The following BRD10 variants were observed in gnomAD, a reference collection of about 807,000 sequenced individuals.
BRD10 encodes bromodomain containing 10, also known as uncharacterized bromodomain-containing protein 10.
chr9:5,901,369 A>T, the BRD10 span, among the ~76,000 whole-genome samples: 2 of 152,222 alleles, frequency 1.3e-5, no homozygotes, highest in Non-Finnish European at 2.9e-5. Context: ...TTCTTCAGCA[A>T]ACTTGAGTAA....
At chr9:5,924,734 A>G in the BRD10 span, 4 of 1,607,026 alleles carry the variant, frequency 2.5e-6, no homozygotes, top group South Asian at 4.5e-5. Flanking sequence ...CTCCCTTAGG[A>G]GAGTCTTTTC....
At chr9:5,965,299 G>C in the BRD10 span, among the ~76,000 whole-genome samples, 1 of 151,604 alleles carries the variant, frequency 6.6e-6, no homozygotes. Context: ...TCGAAAAAAA[G>C]CTGTGTTAAA....
chr9:6,004,004 T>G, the BRD10 span, among the ~76,000 whole-genome samples: 1 of 152,360 alleles, frequency 6.6e-6, no homozygotes, highest in East Asian at 1.9e-4. Flanking sequence ...CCAGAAATAC[T>G]ATGCTGTTTC....
the BRD10 span, chr9:6,007,868 C>A: frequency 2.2e-6 from 3 of 1,371,134 alleles, no homozygotes; most frequent in Non-Finnish European, 2.8e-6. Flanking sequence ...CGCTTCCTCA[C>A]GGCTCGGCCG....
the BRD10 span, among the ~76,000 whole-genome samples, chr9:5,957,071 T>G: frequency 3.3e-5 from 5 of 152,118 alleles, no homozygotes; most frequent in Admixed American, 6.5e-5. Context: ...ATTTAAACAA[T>G]TCACCAAAGA....
chr9:5,941,535 T>C, the BRD10 span, among the ~76,000 whole-genome samples: 2 of 152,188 alleles, frequency 1.3e-5, no homozygotes, highest in South Asian at 4.1e-4. Flanking sequence ...GAGGACTTTT[T>C]TGACTAAACC....
chr9:5,883,267 C>G, the BRD10 span, among the ~76,000 whole-genome samples: 1 of 152,096 alleles, frequency 6.6e-6, no homozygotes, highest in Non-Finnish European at 1.5e-5. Flanking sequence ...AAATAAACAT[C>G]TTTTGTTTTG....
chr9:5,997,891 A>G, the BRD10 span, among the ~76,000 whole-genome samples: 1 of 152,218 alleles, frequency 6.6e-6, no homozygotes, highest in African/African-American at 2.4e-5. Context: ...AAGTAAGCAC[A>G]CACAATACAT....
the BRD10 span, among the ~76,000 whole-genome samples, chr9:5,989,285 T>C: frequency 7.6e-6 from 1 of 131,356 alleles, no homozygotes; most frequent in Admixed American, 8.2e-5. Flanking sequence ...TCAGGCATGG[T>C]GGTGAGCACC....
At chr9:6,007,751 C>T in the BRD10 span, 34 of 1,587,972 alleles carry the variant, frequency 2.1e-5, no homozygotes, top group South Asian at 3.7e-4. Context: ...TCCTCCCCAG[C>T]CGGCTCCATC....
the BRD10 span, among the ~76,000 whole-genome samples, chr9:5,989,123 G>A: frequency 6.6e-5 from 10 of 151,448 alleles, no homozygotes; most frequent in Non-Finnish European, 8.8e-5. Context: ...CCAGCTACTC[G>A]GCAGGCTGAG....
At chr9:6,007,709 C>T in the BRD10 span, 1 of 1,606,994 alleles carries the variant, frequency 6.2e-7, no homozygotes. Flanking sequence ...TCCTCGTCGT[C>T]CTCTCCTTCG....
the BRD10 span, among the ~76,000 whole-genome samples, chr9:5,903,237 C>A: frequency 3.3e-5 from 5 of 152,138 alleles, no homozygotes; most frequent in East Asian, 9.6e-4. Context: ...TGTTTTGTGG[C>A]CCAGAATGTG....
chr9:5,884,657 C>G, the BRD10 span, among the ~76,000 whole-genome samples: 1 of 152,178 alleles, frequency 6.6e-6, no homozygotes, highest in Non-Finnish European at 1.5e-5. Context: ...ACCAATACCC[C>G]CACTGTACCC....
At chr9:5,930,121 G>GT in the BRD10 span, among the ~76,000 whole-genome samples, 6,297 of 146,230 alleles carry the variant, frequency 0.043, 338 homozygotes, top group African/African-American at 0.12. Flanking sequence ...ATCATGTTGG[G>GT]TTTTTTTTTT....
At chr9:5,970,220 A>T in the BRD10 span, among the ~76,000 whole-genome samples, 2 of 152,216 alleles carry the variant, frequency 1.3e-5, no homozygotes, top group Non-Finnish European at 2.9e-5. Context: ...CTATGAAAAA[A>T]TTGTTTTAAA....
At chr9:5,908,351 CGTTA>C in the BRD10 span, among the ~76,000 whole-genome samples, 2 of 152,108 alleles carry the variant, frequency 1.3e-5, no homozygotes, top group Non-Finnish European at 2.9e-5. Context: ...TTCAATGATT[CGTTA>C]GTTAGGGCTT....
the BRD10 span, among the ~76,000 whole-genome samples, chr9:5,908,257 T>C: frequency 7.5e-3 from 1,144 of 152,336 alleles, 15 homozygotes; most frequent in African/African-American, 0.026. Context: ...TTGTTTTATA[T>C]TTGGTAGTAT....
chr9:5,920,944 T>A, the BRD10 span: 1 of 1,613,998 alleles, frequency 6.2e-7, no homozygotes, highest in East Asian at 2.2e-5. Flanking sequence ...AGGTATCATT[T>A]CCACTGACTA....
Sources: gnomAD v4.1 joint callset for allele counts (sites outside exome capture counted in the v4.1 genomes callset) on GRCh38, gnomAD v4.1.1 for gene constraint, MANE v1.5 for transcripts, NCBI Gene and HGNC (gene_info 2026-07-23, HGNC 2026-07-21) for gene names.